ZC3H3: variants seen among roughly 807,000 people sequenced by gnomAD.
The protein encoded by ZC3H3 is zinc finger CCCH-type containing 3.
ZC3H3 carries 36 observed loss-of-function variants against 77.3 expected under a neutral mutation model. The observed-to-expected ratio is 0.47, with a 90% CI of 0.36 to 0.61. The LOEUF (loss-of-function observed/expected upper bound fraction) is 0.61, where lower values mean the gene tolerates loss of function less well. ZC3H3 is among the 20% of genes least tolerant of loss of function. The pLI, the probability that ZC3H3 is intolerant of heterozygous loss-of-function variation, is 0.00. For synonymous variants in ZC3H3, 626 were observed against 555.2 expected, an observed-to-expected ratio of 1.13 and a Z score of -1.79; for missense variants, 1,331 against 1,312.2, an observed-to-expected ratio of 1.01 and a Z score of -0.22.
intron 4 of ZC3H3, among the ~76,000 whole-genome samples, chr8:143,495,977 T>A (rs1429042337): frequency 6.6e-6 from 1 of 152,160 alleles, no homozygotes; most frequent in African/African-American, 2.4e-5. Context: ...AAAAGAACTA[T>A]GAACACATGT....
At chr8:143,466,439 G>A (rs1820410933) in intron 8 of ZC3H3, among the ~76,000 whole-genome samples, 1 of 152,232 alleles carries the variant, frequency 6.6e-6, no homozygotes, top group South Asian at 2.1e-4. Context: ...GGGTCCAGCA[G>A]CGTCTTCCTC....
intron 9 of ZC3H3, among the ~76,000 whole-genome samples, chr8:143,465,377 T>C (rs1201706875): frequency 6.6e-6 from 1 of 152,068 alleles, no homozygotes; most frequent in African/African-American, 2.4e-5. Flanking sequence ...TCCCCTTCAC[T>C]GCACTGCCGC....
At chr8:143,520,697 G>A (rs1481656100) in intron 3 of ZC3H3, among the ~76,000 whole-genome samples, 1 of 152,160 alleles carries the variant, frequency 6.6e-6, no homozygotes, top group Admixed American at 6.5e-5. Flanking sequence ...TTTTGTGAGC[G>A]TCCACCTCGA....
Position 143,494,297 on chromosome 8 carries a change from G to A in ZC3H3, c.1715+13449C>T, listed in dbSNP as rs1297197567. On this transcript the variant is annotated intron_variant, in intron 4 of 11. Coordinates refer to ENST00000262577, the MANE Select transcript of ZC3H3 (RefSeq NM_015117.3). The surrounding 1 kb of genome is among the most constrained non-coding windows in gnomAD (Gnocchi z 5.3). ...GATTTCTTTACCAGTTTTCTCAAAT[G>A]ACAGAGTATCTCAGAGAGCGTGAGT... is the stretch of plus-strand genomic sequence containing the variant. Among the ~76,000 whole-genome samples the A allele has an allele frequency of 1.3e-5, 2 of 152,220 alleles. No individual in the cohort carries two copies. The highest frequency in any genetic ancestry group is 4.8e-5 in the African/African-American group (2 of 41,466).
rs974972126 is a variant in ZC3H3 at position 143,541,279 on chromosome 8, C to A, written c.46+97G>T. On this transcript the variant is annotated intron_variant, in intron 1 of 11. Transcript: ENST00000262577. The stretch of plus-strand genomic sequence containing the variant: ...CACCCCAGCCGCCACCCAGAACACG[C>A]GGGCGGTGAGCGACCCCTTCGACAA... The A allele has an allele frequency of 3.2e-6, 5 of 1,578,030 alleles. No individual in the cohort carries two copies. The African/African-American group carries it at 4.1e-5, about 13-fold the overall frequency.
chr8:143,451,060 T>G (rs4874129), intron 9 of ZC3H3, among the ~76,000 whole-genome samples: 95,416 of 152,034 alleles, frequency 0.63, 30,251 homozygotes, highest in African/African-American at 0.66. Flanking sequence ...GTGGGGCTGC[T>G]GTGGGGGACT....
chr8:143,496,398 C>T (rs775746805), intron 4 of ZC3H3, among the ~76,000 whole-genome samples: 1 of 152,204 alleles, frequency 6.6e-6, no homozygotes. Flanking sequence ...GAGCACCTGC[C>T]GTGCAGAACG....
intron 3 of ZC3H3, among the ~76,000 whole-genome samples, chr8:143,535,990 G>A (rs1822782346): frequency 6.6e-6 from 1 of 152,338 alleles, no homozygotes; most frequent in Admixed American, 6.5e-5. Context: ...TCCCTCAGGA[G>A]GGACACAGCT....
chr8:143,508,746 C>T (rs562602594), intron 3 of ZC3H3, among the ~76,000 whole-genome samples: 1 of 150,494 alleles, frequency 6.6e-6, no homozygotes, highest in South Asian at 2.1e-4. Context: ...CCTTCAGGGT[C>T]GCCCACAGGA....
chr8:143,478,558 A>G (rs112880408), intron 4 of ZC3H3, among the ~76,000 whole-genome samples: 42 of 152,326 alleles, frequency 2.8e-4, no homozygotes, highest in South Asian at 4.1e-4. Flanking sequence ...GACCCAGGCT[A>G]GAGTGCAATG....
At chr8:143,524,107 G>A (rs1822337016) in intron 3 of ZC3H3, among the ~76,000 whole-genome samples, 1 of 152,254 alleles carries the variant, frequency 6.6e-6, no homozygotes, top group African/African-American at 2.4e-5. Flanking sequence ...GGAGGGGCAA[G>A]TGTGCCTGGG....
intron 3 of ZC3H3, among the ~76,000 whole-genome samples, chr8:143,529,212 C>T (rs1036974010): frequency 5.3e-5 from 8 of 152,292 alleles, no homozygotes; most frequent in Non-Finnish European, 1.0e-4. Context: ...TTCCCATGCA[C>T]TGGAATCCAC....
At position 143,437,941 on chromosome 8, in the gene ZC3H3, C is replaced by T; in HGVS notation, c.*115G>A. On this transcript the variant is annotated 3_prime_UTR_variant, in exon 12 of 12. Transcript: ENST00000262577. ...GCAGGCAGAGCAGTGTCCCTGTGGC[C>T]CCCAGGTGAGGCTTGGTGGCGGGCG... 2 of 1,417,668 alleles carry T rather than the reference C, an allele frequency of 1.4e-6. No homozygotes were observed. The highest frequency in any genetic ancestry group is 1.9e-6 in the Non-Finnish European group (2 of 1,026,890). The allele number at this position is 1,417,668 out of a possible 1,614,324, so 87.8% of individuals were successfully genotyped here.
intron 4 of ZC3H3, among the ~76,000 whole-genome samples, chr8:143,491,940 TAG>T (rs1821215857): frequency 6.6e-6 from 1 of 152,162 alleles, no homozygotes; most frequent in Admixed American, 6.5e-5. Context: ...ACCGTGTTTC[TAG>T]CAGCCCACCC....
At chr8:143,476,987 A>G (rs1820752726) in intron 4 of ZC3H3, among the ~76,000 whole-genome samples, 1 of 152,192 alleles carries the variant, frequency 6.6e-6, no homozygotes, top group African/African-American at 2.4e-5. Flanking sequence ...GGGCAGGTAC[A>G]GGGGGACAGC....
At chr8:143,438,620 G>A in intron 11 of ZC3H3, among the ~76,000 whole-genome samples, 1 of 152,168 alleles carries the variant, frequency 6.6e-6, no homozygotes, top group South Asian at 2.1e-4. Context: ...GGAGGGAGCA[G>A]TTCCCCACAG....
At chr8:143,472,937 C>T (rs1215372386) in intron 5 of ZC3H3, among the ~76,000 whole-genome samples, 1 of 152,216 alleles carries the variant, frequency 6.6e-6, no homozygotes, top group Non-Finnish European at 1.5e-5. Flanking sequence ...GGGATGGGCT[C>T]TGGCTCTGGA....
At chr8:143,532,063 C>A (rs540454037) in intron 3 of ZC3H3, among the ~76,000 whole-genome samples, 110 of 152,324 alleles carry the variant, frequency 7.2e-4, no homozygotes, top group Non-Finnish European at 1.3e-3. Context: ...CTGGCCGTAG[C>A]CTTTTGGTTA....
chr8:143,508,501 T>G (rs796761863), intron 3 of ZC3H3, among the ~76,000 whole-genome samples: 1 of 152,256 alleles, frequency 6.6e-6, no homozygotes, highest in South Asian at 2.1e-4. Flanking sequence ...TCTTGCTGAA[T>G]GTTTCATGCA....
Sources: gnomAD v4.1 joint callset for allele counts (sites outside exome capture counted in the v4.1 genomes callset) on GRCh38, gnomAD v4.1.1 for gene constraint, Gnocchi (gnomAD v3.1) non-coding constraint, MANE v1.5 for transcripts, NCBI Gene and HGNC (gene_info 2026-07-23, HGNC 2026-07-21) for gene names.